Variants in SAMMSON observed in about 807,000 individuals in gnomAD.
SAMMSON encodes the protein survival associated mitochondrial melanoma specific oncogenic non-coding RNA.
At chr3:70,007,112 G>A (rs1450936972) in intron 1 of SAMMSON, among the ~76,000 whole-genome samples, 1 of 152,088 alleles carries the variant, frequency 6.6e-6, no homozygotes, top group African/African-American at 2.4e-5. Context: ...AAACATATGT[G>A]TGCATGTGTC....
chr3:70,140,334 C>A (rs935790687), intron 4 of SAMMSON: 5 of 221,292 alleles, frequency 2.3e-5, no homozygotes, highest in Admixed American at 1.3e-4. Context: ...ATGCAAGCAG[C>A]TGGAGAAATG....
chr3:70,181,434 A>G (rs1701052589), intron 4 of SAMMSON, among the ~76,000 whole-genome samples: 1 of 152,184 alleles, frequency 6.6e-6, no homozygotes, highest in Non-Finnish European at 1.5e-5. Flanking sequence ...TGGCCTAATA[A>G]TGTGTGGAAA....
intron 4 of SAMMSON, chr3:70,125,445 T>C (rs1269819287): frequency 3.3e-6 from 3 of 897,544 alleles, no homozygotes; most frequent in Admixed American, 2.1e-5. Context: ...TCCAATTCCC[T>C]TCTAGAAATA....
chr3:70,062,101 A>G (rs1299711728), intron 3 of SAMMSON, among the ~76,000 whole-genome samples: 3 of 152,046 alleles, frequency 2.0e-5, no homozygotes, highest in Non-Finnish European at 2.9e-5. Context: ...CTCTAAGCAC[A>G]TTGCAACCCC....
At chr3:70,316,600 G>T (rs111438166) in intron 7 of SAMMSON, among the ~76,000 whole-genome samples, 1 of 151,980 alleles carries the variant, frequency 6.6e-6, no homozygotes, top group Non-Finnish European at 1.5e-5. Context: ...CACATTAAAA[G>T]AATTCTTTTT....
chr3:70,387,058 TGG>T lies in SAMMSON; in HGVS notation n.914-2515_914-2514del, dbSNP rs556499187. Reference sequence around the variant, plus strand: ...AAATTATTACATATTATAGATTTTCTGGAAACAAGTAGGGGGACATGGCAAGG... The same window carrying T: ...AAATTATTACATATTATAGATTTTCTAAACAAGTAGGGGGACATGGCAAGG... On this transcript the variant is annotated intron_variant and non_coding_transcript_variant, in intron 9 of 9. Coordinates refer to ENST00000642114, the Ensembl canonical transcript of SAMMSON. 1.2e-3 allele frequency among the ~76,000 whole-genome samples: 186 copies of T among 152,128 alleles called. 1 individual carries two copies. Among genetic ancestry groups the T allele is most frequent in the African/African-American group, 4.1e-3 (172 of 41,536 alleles).
rs9881325 is a variant in SAMMSON, at chr3:70,126,943, G to A, written n.507+55378G>A. 1,331 of 153,822 alleles carry A rather than the reference G, an allele frequency of 8.7e-3. 15 individuals are homozygous for A. Among genetic ancestry groups the A allele is most frequent in the African/African-American group, 0.023 (958 of 41,578 alleles). The allele number at this position is 153,822 out of a possible 1,614,324, so 9.5% of individuals were successfully genotyped here. ...TTGGCCAGGCTGGTCTTGAACTCCTGACTTCACCTGATCTGCCTGTCTTGG... is the reference window on the plus strand; with the variant it reads ...TTGGCCAGGCTGGTCTTGAACTCCTAACTTCACCTGATCTGCCTGTCTTGG... On this transcript the variant is annotated intron_variant and non_coding_transcript_variant, in intron 4 of 9. Transcript: ENST00000642114.
At chr3:70,224,727 T>A (rs914745348) in intron 4 of SAMMSON, among the ~76,000 whole-genome samples, 9 of 152,004 alleles carry the variant, frequency 5.9e-5, no homozygotes, top group Non-Finnish European at 1.0e-4. Context: ...GTTTTTTTTT[T>A]AATTCATTTA....
chr3:70,034,849 A>C (rs1302712276), intron 3 of SAMMSON, among the ~76,000 whole-genome samples: 1 of 152,148 alleles, frequency 6.6e-6, no homozygotes, highest in Non-Finnish European at 1.5e-5. Context: ...ATCTCAAAAA[A>C]AGGAAACAAA....
In SAMMSON at chr3:70,014,640, G is replaced by A. The variant is rs1311854199; in HGVS notation, n.417+968G>A. On this transcript the variant is annotated intron_variant and non_coding_transcript_variant, in intron 3 of 9. Coordinates refer to ENST00000642114, the Ensembl canonical transcript of SAMMSON. ...TATCTACTCCATGGAATTTCAAAAG[G>A]GGCCACTTATGGAGAATGTCTTTAG... 3 of 152,178 alleles carry A rather than the reference G, an allele frequency of 2.0e-5. No individual in the cohort carries two copies. The East Asian group carries it at 5.8e-4, about 30-fold the overall frequency. The allele number at this position is 152,178 out of a possible 1,614,324, so 9.4% of individuals were successfully genotyped here.
intron 4 of SAMMSON, among the ~76,000 whole-genome samples, chr3:70,243,795 G>A (rs1701681592): frequency 6.6e-6 from 1 of 152,134 alleles, no homozygotes; most frequent in Admixed American, 6.5e-5. Context: ...TCCATAAAAA[G>A]CACTGAACTC....
chr3:70,018,477 C>G (rs2066996848), intron 3 of SAMMSON, among the ~76,000 whole-genome samples: 1 of 152,042 alleles, frequency 6.6e-6, no homozygotes, highest in Non-Finnish European at 1.5e-5. Context: ...CTCTTTTCTT[C>G]TTTATTAGTC....
chr3:70,241,409 T>G (rs113756127), intron 4 of SAMMSON, among the ~76,000 whole-genome samples: 3,971 of 152,292 alleles, frequency 0.026, 79 homozygotes, highest in Non-Finnish European at 0.035. Flanking sequence ...CCAGTCATTT[T>G]GGTGACTAAC....
chr3:70,108,606 C>T (rs1434267303), intron 4 of SAMMSON, among the ~76,000 whole-genome samples: 7 of 151,380 alleles, frequency 4.6e-5, no homozygotes, highest in African/African-American at 1.7e-4. Flanking sequence ...GGAGATGGGG[C>T]CTTTGGGATA....
chr3:70,251,799 C>A (rs536926804), intron 6 of SAMMSON, among the ~76,000 whole-genome samples: 3 of 152,190 alleles, frequency 2.0e-5, no homozygotes, highest in South Asian at 4.1e-4. Flanking sequence ...AGCTTTGAGT[C>A]AAACCCTACT....
chr3:70,129,342 C>T (rs749584008), intron 4 of SAMMSON, among the ~76,000 whole-genome samples: 5 of 152,122 alleles, frequency 3.3e-5, no homozygotes, highest in Admixed American at 6.5e-5. Context: ...AAAAGATAAA[C>T]ATTTTTATGA....
At chr3:70,115,210 C>CAAAAAAAA (rs11456109) in intron 4 of SAMMSON, among the ~76,000 whole-genome samples, 1 of 117,536 alleles carries the variant, frequency 8.5e-6, no homozygotes, top group African/African-American at 3.2e-5. Flanking sequence ...CTCTATTTTC[C>CAAAAAAAA]AAAAAAAAAA....
At chr3:70,427,410 T>C (rs116554768) in intron 2 of SAMMSON, among the ~76,000 whole-genome samples, 1,816 of 152,280 alleles carry the variant, frequency 0.012, 16 homozygotes, top group Middle Eastern at 0.037. Context: ...GTTCTGGTAA[T>C]ACCATGAGGA....
At chr3:70,347,385 T>A (rs982538985) in intron 7 of SAMMSON, among the ~76,000 whole-genome samples, 5 of 152,204 alleles carry the variant, frequency 3.3e-5, no homozygotes, top group Non-Finnish European at 7.3e-5. Context: ...TTTTGCCTTC[T>A]TAAATGTATT....
Sources: gnomAD v4.1 joint callset for allele counts (sites outside exome capture counted in the v4.1 genomes callset) on GRCh38, gnomAD v4.1.1 for gene constraint, MANE v1.5 for transcripts, NCBI Gene and HGNC (gene_info 2026-07-23, HGNC 2026-07-21) for gene names.